The following AP4S1 variants were observed in gnomAD, a reference collection of about 807,000 sequenced individuals.
AP4S1 encodes adaptor related protein complex 4 subunit sigma 1.
In AP4S1, 23 loss-of-function variants were observed where a neutral mutation model predicts 19.8. The observed-to-expected ratio is 1.16, with a 90% CI of 0.84 to 1.65. AP4S1 has a LOEUF of 1.65. Among genes scored for constraint, AP4S1 ranks in the 40% most tolerant of loss-of-function variants. AP4S1 has a pLI of 0.00. For missense variants in AP4S1, 166 were observed against 172.8 expected (o/e 0.96, Z 0.22); for synonymous variants, 46 against 54.1 (o/e 0.85, Z 0.66).
chr14:31,071,377 C>G (rs534442138), intron 3 of AP4S1, among the ~76,000 whole-genome samples: 75 of 152,194 alleles, frequency 4.9e-4, no homozygotes, highest in Non-Finnish European at 8.8e-4. Context: ...GTGCTAGACA[C>G]TAAGATTTTA....
At chr14:31,032,071 CAAAAAA>C (rs71905676) in intron 1 of AP4S1, among the ~76,000 whole-genome samples, 44,124 of 110,542 alleles carry the variant, frequency 0.4, 7,207 homozygotes, top group South Asian at 0.53. Context: ...GACCTTGTCC[CAAAAAA>C]AAAAAAAAAA....
At chr14:31,041,106 G>T (rs1885085934) in intron 1 of AP4S1, among the ~76,000 whole-genome samples, 1 of 150,780 alleles carries the variant, frequency 6.6e-6, no homozygotes, top group Non-Finnish European at 1.5e-5. Context: ...CAAATTAAAT[G>T]TATCAGAATC....
At position 31,077,632 on chromosome 14, in the gene AP4S1, C is replaced by T. The variant is rs1159164567; in HGVS notation, c.295-2941C>T. 3.4e-5 allele frequency among the ~76,000 whole-genome samples: 5 copies of T among 147,674 alleles called. No individual in the cohort carries two copies. In the South Asian group the frequency reaches 1.0e-3, roughly 31 times the overall value. ...CCAGAAATCTGTTTTAAGATGACTT[C>T]CAGGTGATTCCAGGTGATTCTGGTT... is the stretch of plus-strand genomic sequence containing the variant. On this transcript the variant is annotated intron_variant, in intron 4 of 5. Coordinates refer to ENST00000542754, the MANE Select transcript of AP4S1 (RefSeq NM_001128126.3).
At chr14:31,025,527 A>C, upstream of AP4S1, 1 of 245,552 alleles carries the variant, frequency 4.1e-6, no homozygotes. Context: ...CTCAAGAGGA[A>C]CAAACAAGAG....
chr14:31,031,413 G>A (rs769606333), intron 1 of AP4S1, among the ~76,000 whole-genome samples: 2 of 152,112 alleles, frequency 1.3e-5, no homozygotes, highest in African/African-American at 2.4e-5. Context: ...GGGAAAGGGT[G>A]GATCTTCAAA....
intron 1 of AP4S1, among the ~76,000 whole-genome samples, chr14:31,050,458 C>A (rs1270202695): frequency 6.6e-6 from 1 of 152,022 alleles, no homozygotes; most frequent in African/African-American, 2.4e-5. Context: ...TTAAAAAAAA[C>A]TAACTTTTTA....
intron 5 of AP4S1, among the ~76,000 whole-genome samples, chr14:31,081,843 G>A (rs1017479946): frequency 6.6e-6 from 1 of 151,532 alleles, no homozygotes. Context: ...CGTAGTGTCT[G>A]ATGTGTATAT....
intron 1 of AP4S1, among the ~76,000 whole-genome samples, chr14:31,058,298 T>C (rs1488069623): frequency 6.6e-6 from 1 of 152,100 alleles, no homozygotes. Context: ...CCAAGGAAAA[T>C]GCTTGTTTGA....
At chr14:31,085,623 A>T (rs1055418653) in intron 5 of AP4S1, 13 of 780,220 alleles carry the variant, frequency 1.7e-5, no homozygotes, top group Non-Finnish European at 2.0e-5. Flanking sequence ...AAAAATTTAA[A>T]AAGCCAGGCA....
At position 31,073,361 on chromosome 14, in the gene AP4S1, G is replaced by GCACA. The variant is rs1566538463; in HGVS notation, c.294+389_294+390insACAC. Among the ~76,000 whole-genome samples, 3 of 122,838 alleles carry GCACA rather than the reference G, an allele frequency of 2.4e-5. No individual in the cohort carries two copies. In the East Asian group the frequency reaches 7.5e-4, roughly 31 times the overall value. 80.6% of individuals were successfully genotyped at this position (122,838 alleles called of 152,430 possible). A position where few individuals can be genotyped will look rare whatever the true frequency, so the allele number is the denominator to read the frequency against. The stretch of plus-strand genomic sequence containing the variant: ...AAAAATTAGCTGGGCGTGGTGGTGG[G>GCACA]CGCCTGTAGTCCCAGCTACTCCGGA... On this transcript the variant is annotated intron_variant, in intron 4 of 5. Coordinates refer to ENST00000542754, the MANE Select transcript of AP4S1 (RefSeq NM_001128126.3).
intron 5 of AP4S1, chr14:31,084,815 A>G: frequency 2.5e-6 from 4 of 1,614,206 alleles, no homozygotes; most frequent in Non-Finnish European, 3.4e-6. Flanking sequence ...CTGGAGCCCC[A>G]GCAGACTTGC....
chr14:31,093,084 G>A lies in AP4S1; in HGVS notation c.*49G>A, dbSNP rs1167835052. The A allele has an allele frequency of 1.6e-5, 25 of 1,524,528 alleles. No homozygotes were observed. The highest frequency in any genetic ancestry group is 2.3e-4 in the Middle Eastern group (1 of 4,286). The allele number at this position is 1,524,528 out of a possible 1,614,324, so 94.4% of individuals were successfully genotyped here. ...TGGATTTATCAGAAATGCGAGTACCGTGGAATACATCTCAACATGTTAACC... is the reference window on the plus strand; with the variant it reads ...TGGATTTATCAGAAATGCGAGTACCATGGAATACATCTCAACATGTTAACC... On this transcript the variant is annotated 3_prime_UTR_variant, in exon 6 of 6. Coordinates refer to ENST00000542754, the MANE Select transcript of AP4S1 (RefSeq NM_001128126.3).
intron 1 of AP4S1, chr14:31,032,884 A>G (rs2139414272): frequency 2.0e-5 from 3 of 152,354 alleles, no homozygotes; most frequent in Admixed American, 2.0e-4. Flanking sequence ...CTTCTACCAA[A>G]GAGTTCAAAT....
chr14:31,029,851 A>C (rs540875199), intron 1 of AP4S1, among the ~76,000 whole-genome samples: 83 of 148,090 alleles, frequency 5.6e-4, no homozygotes, highest in African/African-American at 1.6e-3. Flanking sequence ...TTCCCCCACA[A>C]AAAAAAAAAA....
At chr14:31,032,324 G>C (rs1291895513) in intron 1 of AP4S1, among the ~76,000 whole-genome samples, 1 of 152,136 alleles carries the variant, frequency 6.6e-6, no homozygotes, top group East Asian at 1.9e-4. Flanking sequence ...TTTTGGACCA[G>C]AGAGGAACTT....
chr14:31,077,768 G>T (rs1001348573), intron 4 of AP4S1, among the ~76,000 whole-genome samples: 2 of 137,548 alleles, frequency 1.5e-5, no homozygotes, highest in Non-Finnish European at 3.0e-5. Context: ...ATGGAGTCTC[G>T]CTCTGTCGCC....
chr14:31,062,452 C>T (rs1230062376), intron 1 of AP4S1, among the ~76,000 whole-genome samples: 1 of 152,120 alleles, frequency 6.6e-6, no homozygotes, highest in Admixed American at 6.6e-5. Context: ...GGGTTCTCAA[C>T]CTACAGCCCA....
At chr14:31,059,855 T>C (rs969782751) in intron 1 of AP4S1, among the ~76,000 whole-genome samples, 40 of 151,782 alleles carry the variant, frequency 2.6e-4, no homozygotes, top group Admixed American at 2.3e-3. Flanking sequence ...TACAGCTTAG[T>C]GTGTAGAATT....
intron 1 of AP4S1, among the ~76,000 whole-genome samples, chr14:31,064,667 G>T (rs1886618596): frequency 6.6e-6 from 1 of 152,064 alleles, no homozygotes; most frequent in Non-Finnish European, 1.5e-5. Context: ...CTTAAAGTAA[G>T]GATAACAGAC....
Sources: gnomAD v4.1 joint callset for allele counts (sites outside exome capture counted in the v4.1 genomes callset) on GRCh38, gnomAD v4.1.1 for gene constraint, MANE v1.5 for transcripts, NCBI Gene and HGNC (gene_info 2026-07-23, HGNC 2026-07-21) for gene names.